Variants in ACADSB observed in about 807,000 individuals in gnomAD.
ACADSB encodes short/branched chain specific acyl-CoA dehydrogenase, mitochondrial.
In ACADSB, 40 loss-of-function variants were observed where a neutral mutation model predicts 54.1. The observed-to-expected ratio is 0.74, with a 90% CI of 0.57 to 0.96. The LOEUF (loss-of-function observed/expected upper bound fraction) is 0.96, where lower values mean the gene tolerates loss of function less well. ACADSB is among the 40% of genes least tolerant of loss of function. ACADSB has a pLI of 0.00. For missense variants in ACADSB, 530 were observed against 510.4 expected, an observed-to-expected ratio of 1.04 and a Z score of -0.37; for synonymous variants, 182 against 182.8, an observed-to-expected ratio of 1.00 and a Z score of 0.03.
rs1225595825 is a variant in ACADSB at position 123,054,892 on chromosome 10, CT to C, written c.*1130del. ...TGTTTCTTCAGTCATGGTTATTGCACTTTATCCTGAATAATAATTCAGAAAT... is the reference window on the plus strand; with the variant it reads ...TGTTTCTTCAGTCATGGTTATTGCACTTATCCTGAATAATAATTCAGAAAT... On this transcript the variant is annotated 3_prime_UTR_variant, in exon 11 of 11. Coordinates refer to ENST00000358776, the MANE Select transcript of ACADSB (RefSeq NM_001609.4). 6.6e-6 allele frequency: 1 copy of C among 152,098 alleles called. No individual in the cohort carries two copies. The highest frequency in any genetic ancestry group is 1.5e-5 in the Non-Finnish European group (1 of 68,018). The allele number at this position is 152,098 out of a possible 1,614,324, so 9.4% of individuals were successfully genotyped here.
At chr10:123,026,949 C>A (rs1850262851) in intron 1 of ACADSB, among the ~76,000 whole-genome samples, 1 of 151,890 alleles carries the variant, frequency 6.6e-6, no homozygotes, top group Admixed American at 6.6e-5. Context: ...TTTTTTGAGC[C>A]TTGTTTGTAT....
At chr10:123,053,203 G>T (rs769441758) in intron 10 of ACADSB, 43 bp downstream of exon 10, 6 of 1,485,024 alleles carry the variant, frequency 4.0e-6, no homozygotes, top group Non-Finnish European at 5.6e-6. Flanking sequence ...TGTTTTATTT[G>T]CCTCTGTAGG....
At chr10:123,043,544 T>G (rs932138953) in intron 6 of ACADSB, among the ~76,000 whole-genome samples, 2 of 152,186 alleles carry the variant, frequency 1.3e-5, no homozygotes, top group Non-Finnish European at 1.5e-5. Context: ...TGTTGCTCAG[T>G]GAGAGCGGAA....
chr10:123,047,727 G>A (rs1387444800), intron 8 of ACADSB, among the ~76,000 whole-genome samples: 5 of 152,248 alleles, frequency 3.3e-5, no homozygotes, highest in Admixed American at 2.6e-4. Flanking sequence ...AATGAGGTAT[G>A]TGTAAAGTGT....
chr10:123,009,448 C>T (rs1411547531), intron 1 of ACADSB, among the ~76,000 whole-genome samples: 1 of 152,166 alleles, frequency 6.6e-6, no homozygotes, highest in Non-Finnish European at 1.5e-5. Context: ...CCTAACGCAC[C>T]TTTCCCGAGT....
chr10:123,024,459 G>T (rs1239001562), intron 1 of ACADSB, among the ~76,000 whole-genome samples: 1 of 152,212 alleles, frequency 6.6e-6, no homozygotes, highest in Non-Finnish European at 1.5e-5. Flanking sequence ...CCGTGTTTAG[G>T]TGCTGCCCAC....
chr10:123,033,599 G>A (rs1215477754), intron 1 of ACADSB, among the ~76,000 whole-genome samples: 1 of 152,004 alleles, frequency 6.6e-6, no homozygotes. Flanking sequence ...TCATTACAGC[G>A]TATTGAGCTC....
intron 1 of ACADSB, among the ~76,000 whole-genome samples, chr10:123,013,759 C>T (rs1010823173): frequency 3.3e-5 from 5 of 152,232 alleles, no homozygotes; most frequent in African/African-American, 1.2e-4. Context: ...TGCTAAGCCC[C>T]TCACTGCCCG....
At chr10:123,041,435 T>C in intron 5 of ACADSB, 56 bp downstream of exon 5, 2 of 1,568,880 alleles carry the variant, frequency 1.3e-6, no homozygotes, top group Non-Finnish European at 1.8e-6. Context: ...TTCTCTTTCT[T>C]TATCTTTTCC....
rs1247398343 is a variant in ACADSB at position 123,054,782 on chromosome 10, A to G, written c.*1017A>G. ...TATAAGGTTTAAGTAATTTGGTTTA[A>G]TAATCAGAAAATATTCAATACAGTG... On this transcript the variant is annotated 3_prime_UTR_variant, in exon 11 of 11. Coordinates refer to ENST00000358776, the MANE Select transcript of ACADSB (RefSeq NM_001609.4). 6.6e-6 allele frequency: 1 copy of G among 152,210 alleles called. No individual in the cohort carries two copies. Among genetic ancestry groups the G allele is most frequent in the Non-Finnish European group, 1.5e-5 (1 of 68,024 alleles). 9.4% of individuals were successfully genotyped at this position (152,210 alleles called of 1,614,324 possible). A position where few individuals can be genotyped will look rare whatever the true frequency, so the allele number is the denominator to read the frequency against.
rs988557350 is a variant in ACADSB at position 123,051,246 on chromosome 10, A to G, written c.1128+60A>G. ...TAATTCAGCCTTTTTTTTTTCAGATATATACTTATTAACATTTTCTCTTGG... is the reference window on the plus strand; with the variant it reads ...TAATTCAGCCTTTTTTTTTTCAGATGTATACTTATTAACATTTTCTCTTGG... On this transcript the variant is annotated intron_variant, in intron 9 of 10. Transcript: ENST00000358776. The G allele has an allele frequency of 6.6e-5, 91 of 1,380,244 alleles. 3 individuals carry two copies. The South Asian group carries it at 1.2e-3, about 18-fold the overall frequency. The allele number at this position is 1,380,244 out of a possible 1,614,324, so 85.5% of individuals were successfully genotyped here.
chr10:123,036,621 G>C (rs1052641959), intron 2 of ACADSB, among the ~76,000 whole-genome samples: 2 of 152,210 alleles, frequency 1.3e-5, no homozygotes, highest in Non-Finnish European at 2.9e-5. Flanking sequence ...AAGGAACTCA[G>C]AATCTAGTGG....
In ACADSB at chr10:123,056,716, C is replaced by T. The variant is rs996684903; in HGVS notation, c.*2951C>T. The T allele has an allele frequency of 6.6e-5, 10 of 152,142 alleles. No homozygotes were observed. The highest frequency in any genetic ancestry group is 2.4e-4 in the African/African-American group (10 of 41,410). The allele number at this position is 152,142 out of a possible 1,614,324, so 9.4% of individuals were successfully genotyped here. A position where few individuals can be genotyped will look rare whatever the true frequency, so the allele number is the denominator to read the frequency against. ...ATGCAGTTGCTTAGAATAATCATTA[C>T]TGTTATATGAGAAACATTTTAGTAA... On this transcript the variant is annotated 3_prime_UTR_variant, in exon 11 of 11. Transcript: ENST00000358776.
intron 7 of ACADSB, among the ~76,000 whole-genome samples, chr10:123,045,924 G>C (rs1300316322): frequency 6.6e-6 from 1 of 152,204 alleles, no homozygotes; most frequent in Admixed American, 6.5e-5. Context: ...GGCACACGGA[G>C]TATAACAGTG....
At chr10:123,050,079 ATC>A (rs1315224862) in intron 8 of ACADSB, among the ~76,000 whole-genome samples, 2 of 152,206 alleles carry the variant, frequency 1.3e-5, no homozygotes, top group Non-Finnish European at 2.9e-5. Context: ...TGTTGTGTGT[ATC>A]ACATATTTCA....
chr10:123,018,826 T>C (rs1564746503), intron 1 of ACADSB, among the ~76,000 whole-genome samples: 1 of 152,202 alleles, frequency 6.6e-6, no homozygotes, highest in African/African-American at 2.4e-5. Flanking sequence ...GTGAGACTTA[T>C]TCACTATCAC....
In ACADSB at chr10:123,044,477, G is replaced by A; in HGVS notation, c.892G>A (p.Ala298Thr). 6.2e-7 allele frequency: 1 copy of A among 1,611,712 alleles called. No individual in the cohort carries two copies. The highest frequency in any genetic ancestry group is 8.5e-7 in the Non-Finnish European group (1 of 1,177,866). The change falls in exon 7 of 11, where the codon GCT becomes ACT. Residue 298 changes from alanine to threonine, a missense_variant. By Grantham distance (58) the Ala-to-Thr change is moderately conservative (BLOSUM62 0). Coordinates refer to ENST00000358776, the MANE Select transcript of ACADSB (RefSeq NM_001609.4). Reference sequence around the variant, plus strand: ...TCTCAATGAAGGTAGAATAGGAATTGCTGCACAGGTAAGTCAGATTTAAAC... The same window carrying A: ...TCTCAATGAAGGTAGAATAGGAATTACTGCACAGGTAAGTCAGATTTAAAC... ...GSLNEGRIGI[A>T]AQMLGLAQGC...
At position 123,031,294 on chromosome 10, in the gene ACADSB, C is replaced by T. The variant is rs9423251; in HGVS notation, c.43-3062C>T. Among the ~76,000 whole-genome samples, 1,479 of 152,288 alleles carry T rather than the reference C, an allele frequency of 9.7e-3. 10 individuals are homozygous for T. The highest frequency in any genetic ancestry group is 0.016 in the Non-Finnish European group (1,109 of 68,026). ...TTCATGGACTTTATTATTCTGTCCA[C>T]GAGGCCCAGATTTGATCATCAACAC... On this transcript the variant is annotated intron_variant, in intron 1 of 10. Coordinates refer to ENST00000358776, the MANE Select transcript of ACADSB (RefSeq NM_001609.4).
chr10:123,026,701 A>C (rs1315709913), intron 1 of ACADSB, among the ~76,000 whole-genome samples: 1 of 148,248 alleles, frequency 6.7e-6, no homozygotes, highest in African/African-American at 2.5e-5. Flanking sequence ...TAATATGCAA[A>C]TATCTCTTGA....
Sources: allele counts gnomAD v4.1 joint callset (sites outside exome capture counted in the v4.1 genomes callset), GRCh38; gene constraint gnomAD v4.1.1; transcripts MANE v1.5; gene names NCBI Gene and HGNC (gene_info 2026-07-23, HGNC 2026-07-21).